LIG1: variants seen among roughly 807,000 people sequenced by gnomAD.
LIG1 encodes the protein DNA ligase 1.
LIG1 carries 70 observed loss-of-function variants against 115.7 expected under a neutral mutation model. The observed-to-expected ratio is 0.60, with a 90% confidence interval of 0.50 to 0.74. The LOEUF (loss-of-function observed/expected upper bound fraction) is 0.74. Ranked by LOEUF, LIG1 falls within the 30% of genes least tolerant of loss-of-function variation. The probability of loss-of-function intolerance (pLI) is 0.00; values close to 1 mark genes in which losing one functional copy is unlikely to be tolerated. For missense variants in LIG1, 1,115 were observed against 1,225.6 expected, an observed-to-expected ratio of 0.91 and a Z score of 1.35; for synonymous variants, 487 against 495.3, an observed-to-expected ratio of 0.98 and a Z score of 0.22.
chr19:48,118,078 G>A (rs41562612), intron 25 of LIG1, among the ~76,000 whole-genome samples: 5,993 of 152,240 alleles, frequency 0.039, 172 homozygotes, highest in Middle Eastern at 0.075. Context: ...GGCCCTGGGG[G>A]CTGAGGCAGG....
intron 16 of LIG1, among the ~76,000 whole-genome samples, chr19:48,135,296 T>A (rs2034307636): frequency 6.6e-6 from 1 of 152,188 alleles, no homozygotes; most frequent in Admixed American, 6.5e-5. Context: ...CTAATTTTTG[T>A]ATTTTTAGTA....
chr19:48,145,745 G>A (rs956723206), intron 9 of LIG1, among the ~76,000 whole-genome samples: 5 of 152,218 alleles, frequency 3.3e-5, no homozygotes, highest in African/African-American at 4.8e-5. Flanking sequence ...TGTGGCCTGA[G>A]CATGGCATTA....
intron 21 of LIG1, chr19:48,123,767 A>G (rs2122404808): frequency 4.4e-6 from 1 of 226,376 alleles, no homozygotes; most frequent in Non-Finnish European, 8.9e-6. Flanking sequence ...ACAGGTGCAC[A>G]TCACAAGAGA....
At position 48,117,622 on chromosome 19, in the gene LIG1, G is replaced by A. The variant is rs2122277498; in HGVS notation, c.2583+16C>T. The A allele has an allele frequency of 6.2e-7, 1 of 1,611,204 alleles. No homozygotes were observed. The highest frequency in any genetic ancestry group is 1.1e-5 in the South Asian group (1 of 90,414). ...GAATCCCACACAGGGCCACGGCCAG[G>A]TCCTCTGCCACTCACCAGGCCCCGC... On this transcript the variant is annotated intron_variant, in intron 26 of 27. Transcript: ENST00000263274.
At chr19:48,151,694 G>A (rs1258438898) in intron 6 of LIG1, among the ~76,000 whole-genome samples, 1 of 152,090 alleles carries the variant, frequency 6.6e-6, no homozygotes, top group Non-Finnish European at 1.5e-5. Flanking sequence ...GCCTCCCAAA[G>A]TGCAGGTCTT....
intron 6 of LIG1, among the ~76,000 whole-genome samples, chr19:48,152,046 C>T (rs553945241): frequency 3.0e-4 from 46 of 152,286 alleles, no homozygotes; most frequent in African/African-American, 9.6e-4. Context: ...GCCACCCCCG[C>T]CACCCCTCAC....
chr19:48,147,962 G>C (rs1167654597), intron 9 of LIG1, among the ~76,000 whole-genome samples: 1 of 152,204 alleles, frequency 6.6e-6, no homozygotes, highest in African/African-American at 2.4e-5. Flanking sequence ...TGGCTCTGTG[G>C]GAAGGAGCTT....
Position 48,149,851 on chromosome 19 carries a change from A to G in LIG1, c.698-10T>C, listed in dbSNP as rs112383802. The G allele has an allele frequency of 6.2e-7, 1 of 1,613,348 alleles. No individual in the cohort carries two copies. On this transcript the variant is annotated splice_polypyrimidine_tract_variant and intron_variant, in intron 8 of 27. Coordinates refer to ENST00000263274, the MANE Select transcript of LIG1 (RefSeq NM_000234.3). ...GCTGGCTTCCGGGGGGCTAGGAATG[A>G]AGACAGAAAACAGTGGGTCTTTTCT...
chr19:48,143,111 TG>T (rs1399486842), intron 11 of LIG1, among the ~76,000 whole-genome samples: 1 of 152,152 alleles, frequency 6.6e-6, no homozygotes, highest in African/African-American at 2.4e-5. Context: ...TGGGCATCAC[TG>T]GGGTGGGACG....
At chr19:48,166,268 G>A (rs1442784584) in intron 1 of LIG1, among the ~76,000 whole-genome samples, 2 of 152,100 alleles carry the variant, frequency 1.3e-5, no homozygotes, top group African/African-American at 2.4e-5. Flanking sequence ...GCGGTGGCAC[G>A]CGCCTGTATT....
intron 9 of LIG1, among the ~76,000 whole-genome samples, chr19:48,148,444 C>T (rs949042366): frequency 5.4e-5 from 8 of 147,524 alleles, no homozygotes; most frequent in Non-Finnish European, 1.0e-4. Flanking sequence ...CACTGCACTC[C>T]AGCCTGGGCA....
intron 4 of LIG1, among the ~76,000 whole-genome samples, chr19:48,158,161 T>C (rs1242546965): frequency 6.6e-6 from 1 of 152,206 alleles, no homozygotes; most frequent in Non-Finnish European, 1.5e-5. Flanking sequence ...TGCAGGACCG[T>C]GGGCCAAAAT....
intron 7 of LIG1, among the ~76,000 whole-genome samples, chr19:48,151,017 A>C (rs2035439597): frequency 6.6e-6 from 1 of 152,110 alleles, no homozygotes; most frequent in Non-Finnish European, 1.5e-5. Flanking sequence ...GATTTTTTAA[A>C]GAATGGCTGG....
At position 48,170,245 on chromosome 19, in the gene LIG1, C is replaced by G; in HGVS notation, c.-62G>C. On this transcript the variant is annotated 5_prime_UTR_variant, in exon 1 of 28. Transcript: ENST00000263274. ...CTTGCGGACGGCCCCACTTGCCTTG[C>G]GTTGGTCCCGCGCGCCGCTGCCCGG... 1 of 455,412 alleles carries G rather than the reference C, an allele frequency of 2.2e-6. No homozygotes were observed. Among genetic ancestry groups the G allele is most frequent in the Non-Finnish European group, 4.4e-6 (1 of 226,488 alleles). The allele number at this position is 455,412 out of a possible 1,614,324, so 28.2% of individuals were successfully genotyped here.
intron 2 of LIG1, among the ~76,000 whole-genome samples, chr19:48,162,718 G>A (rs910115070): frequency 7.9e-5 from 12 of 151,962 alleles, no homozygotes; most frequent in African/African-American, 1.2e-4. Context: ...ATAAGCCACC[G>A]CGCCCGGCCG....
chr19:48,151,617 G>A (rs1315515661), intron 6 of LIG1, among the ~76,000 whole-genome samples: 1 of 152,014 alleles, frequency 6.6e-6, no homozygotes, highest in African/African-American at 2.4e-5. Flanking sequence ...TTTTAGTAGA[G>A]ATGGGATTTC....
rs114367715 is a variant in LIG1, at chr19:48,158,899, G to C, written c.244-1759C>G. 8.0e-3 allele frequency among the ~76,000 whole-genome samples: 1,221 copies of C among 152,228 alleles called. 11 individuals are homozygous for C. The highest frequency in any genetic ancestry group is 0.028 in the African/African-American group (1,155 of 41,540). ...TTTCAGCTCAAAAGCCACAGGGATG[G>C]TCACTGCACCCCACAGTTGCTACCT... On this transcript the variant is annotated intron_variant, in intron 4 of 27. Coordinates refer to ENST00000263274, the MANE Select transcript of LIG1 (RefSeq NM_000234.3).
At chr19:48,155,029 T>C (rs2035747025) in intron 5 of LIG1, among the ~76,000 whole-genome samples, 1 of 152,148 alleles carries the variant, frequency 6.6e-6, no homozygotes, top group Non-Finnish European at 1.5e-5. Context: ...GGCCTCAGCA[T>C]GTGAGGTTTG....
At chr19:48,131,453 T>C (rs2034019157) in intron 18 of LIG1, among the ~76,000 whole-genome samples, 1 of 152,218 alleles carries the variant, frequency 6.6e-6, no homozygotes, top group Non-Finnish European at 1.5e-5. Flanking sequence ...TTAAATGTCA[T>C]TATGCTCTAG....
Sources: gnomAD v4.1 joint callset for allele counts (sites outside exome capture counted in the v4.1 genomes callset) on GRCh38, gnomAD v4.1.1 for gene constraint, MANE v1.5 for transcripts, NCBI Gene and HGNC (gene_info 2026-07-23, HGNC 2026-07-21) for gene names.